The following UBE2J1 variants were observed in gnomAD, a reference collection of about 807,000 sequenced individuals.
The protein encoded by UBE2J1 is ubiquitin-conjugating enzyme E2 J1.
UBE2J1 carries 17 observed loss-of-function variants against 42.1 expected under a neutral mutation model. The observed-to-expected ratio is 0.40, with a 90% confidence interval of 0.28 to 0.61. The LOEUF is 0.61. Among genes scored for constraint, UBE2J1 ranks in the 20% least tolerant of loss-of-function variants. The probability of loss-of-function intolerance (pLI) is 0.38; values close to 1 mark genes in which losing one functional copy is unlikely to be tolerated. For synonymous variants in UBE2J1, 127 were observed against 137.2 expected (o/e 0.93, Z 0.52); for missense variants, 291 against 389.4 (o/e 0.75, Z 2.13).
rs1210612912 is a variant in UBE2J1, at chr6:89,328,884, C to T, written c.*795G>A. The T allele has an allele frequency of 6.6e-6, 1 of 152,194 alleles. No individual in the cohort carries two copies. The highest frequency in any genetic ancestry group is 2.4e-5 in the African/African-American group (1 of 41,436). 9.4% of individuals were successfully genotyped at this position (152,194 alleles called of 1,614,324 possible). A position where few individuals can be genotyped will look rare whatever the true frequency, so the allele number is the denominator to read the frequency against. Reference sequence around the variant, plus strand: ...TACATTTCAAAGCAGACCAAACATTCAAATCTTCAGATCCCCCCATTTAAC... The same window carrying T: ...TACATTTCAAAGCAGACCAAACATTTAAATCTTCAGATCCCCCCATTTAAC... On this transcript the variant is annotated 3_prime_UTR_variant, in exon 8 of 8. Transcript: ENST00000435041.
intron 6 of UBE2J1, 38 bp downstream of exon 6, chr6:89,335,264 G>C: frequency 6.5e-7 from 1 of 1,530,214 alleles, no homozygotes; most frequent in African/African-American, 1.4e-5. Context: ...TAAACAAAAG[G>C]GTTGCAAGAT....
chr6:89,351,130 G>GGA (rs1214336179), intron 1 of UBE2J1, among the ~76,000 whole-genome samples: 1 of 116,246 alleles, frequency 8.6e-6, no homozygotes, highest in Non-Finnish European at 1.6e-5. Flanking sequence ...CGCCCACACT[G>GGA]GAGTGCAGTG....
At chr6:89,335,271 A>G in intron 6 of UBE2J1, 31 bp downstream of exon 6, 1 of 1,538,358 alleles carries the variant, frequency 6.5e-7, no homozygotes, top group Non-Finnish European at 8.8e-7. Context: ...AAGGGTTGCA[A>G]GATTAGCATT....
chr6:89,344,033 T>C (rs963564706), intron 1 of UBE2J1, among the ~76,000 whole-genome samples: 3 of 152,208 alleles, frequency 2.0e-5, no homozygotes, highest in Non-Finnish European at 4.4e-5. Context: ...GTGGTATTTA[T>C]TGAAGTGCTT....
intron 1 of UBE2J1, among the ~76,000 whole-genome samples, chr6:89,348,219 G>A (rs1165684059): frequency 1.3e-5 from 2 of 152,172 alleles, no homozygotes; most frequent in African/African-American, 2.4e-5. Flanking sequence ...AGATGTGCCA[G>A]GAAAGGAAGG....
intron 1 of UBE2J1, among the ~76,000 whole-genome samples, chr6:89,352,183 G>C (rs969729245): frequency 2.0e-5 from 3 of 152,194 alleles, no homozygotes; most frequent in African/African-American, 7.2e-5. Flanking sequence ...CGACAGGGAG[G>C]GAATAGCGAC....
intron 5 of UBE2J1, among the ~76,000 whole-genome samples, chr6:89,336,242 T>C (rs1042554362): frequency 6.6e-6 from 1 of 152,138 alleles, no homozygotes; most frequent in Admixed American, 6.5e-5. Flanking sequence ...TGAAATATCA[T>C]ATAAACAAAA....
At chr6:89,346,716 G>T (rs980245608) in intron 1 of UBE2J1, among the ~76,000 whole-genome samples, 7 of 152,080 alleles carry the variant, frequency 4.6e-5, no homozygotes, top group Admixed American at 6.5e-5. Flanking sequence ...CTAGGGAGGG[G>T]TAGAGACTAG....
chr6:89,333,525 G>A (rs994617563), intron 6 of UBE2J1, among the ~76,000 whole-genome samples: 2 of 152,196 alleles, frequency 1.3e-5, no homozygotes, highest in African/African-American at 2.4e-5. Flanking sequence ...AGCCTGATAT[G>A]AGCTGATGTG....
chr6:89,346,431 G>A (rs1768367204), intron 1 of UBE2J1, among the ~76,000 whole-genome samples: 1 of 152,074 alleles, frequency 6.6e-6, no homozygotes, highest in Non-Finnish European at 1.5e-5. Context: ...TACATACTGA[G>A]ACACCCTCTC....
chr6:89,329,662 T>C lies in UBE2J1; in HGVS notation c.*17A>G, dbSNP rs754424832. On this transcript the variant is annotated 3_prime_UTR_variant, in exon 8 of 8. Coordinates refer to ENST00000435041, the MANE Select transcript of UBE2J1 (RefSeq NM_016021.3). Reference sequence around the variant, plus strand: ...AATGAAGCAGTTGAGTCACAGCTCATAAGTCACAAAACCATATTATAACTC... The same window carrying C: ...AATGAAGCAGTTGAGTCACAGCTCACAAGTCACAAAACCATATTATAACTC... The C allele has an allele frequency of 1.2e-6, 2 of 1,613,556 alleles. No homozygotes were observed. Among genetic ancestry groups the C allele is most frequent in the Non-Finnish European group, 1.7e-6 (2 of 1,179,720 alleles).
intron 7 of UBE2J1, 105 bp from the exon 8 acceptor site, chr6:89,330,062 A>C: frequency 9.3e-7 from 1 of 1,075,754 alleles, no homozygotes; most frequent in East Asian, 2.4e-5. Flanking sequence ...CATATGACTA[A>C]GGGCAACACT....
At chr6:89,349,533 C>G (rs1234409107) in intron 1 of UBE2J1, among the ~76,000 whole-genome samples, 3 of 152,114 alleles carry the variant, frequency 2.0e-5, no homozygotes, top group Non-Finnish European at 4.4e-5. Context: ...CCATAGGTGC[C>G]TGAGTGCTGT....
At chr6:89,336,126 CAT>C (rs1261104949) in intron 5 of UBE2J1, among the ~76,000 whole-genome samples, 1 of 152,080 alleles carries the variant, frequency 6.6e-6, no homozygotes, top group Non-Finnish European at 1.5e-5. Context: ...ATATATAAAA[CAT>C]ATATTGTTAC....
intron 5 of UBE2J1, among the ~76,000 whole-genome samples, chr6:89,337,193 A>C (rs969137856): frequency 6.6e-6 from 1 of 151,440 alleles, no homozygotes; most frequent in Non-Finnish European, 1.5e-5. Context: ...TAGAATATAC[A>C]GTGAGAAGCC....
chr6:89,347,928 G>C (rs907741118), intron 1 of UBE2J1, among the ~76,000 whole-genome samples: 16 of 152,118 alleles, frequency 1.1e-4, no homozygotes, highest in African/African-American at 3.9e-4. Context: ...AAAATGGACT[G>C]GTATATAAGG....
intron 1 of UBE2J1, 131 bp from the exon 2 acceptor site, chr6:89,343,887 A>C: frequency 1.6e-6 from 1 of 611,312 alleles, no homozygotes; most frequent in Non-Finnish European, 2.7e-6. Flanking sequence ...GTTTAATTAT[A>C]AGATTATGGG....
chr6:89,339,210 A>G (rs1477879313), intron 3 of UBE2J1, among the ~76,000 whole-genome samples: 1 of 151,240 alleles, frequency 6.6e-6, no homozygotes, highest in Non-Finnish European at 1.5e-5. Context: ...GGATCACTTG[A>G]GGCCAGGAGT....
Position 89,343,434 on chromosome 6 carries a change from CAAA to C in UBE2J1, c.105+246_105+248del, listed in dbSNP as rs58981898. On this transcript the variant is annotated intron_variant, in intron 2 of 7. Transcript: ENST00000435041. The stretch of plus-strand genomic sequence containing the variant: ...TGGGCAACACAGTGAGACTCCGCCT[CAAA>C]AAAAAAAAAAAAAAAAAAAAGATCT... Among the ~76,000 whole-genome samples the C allele has an allele frequency of 2.8e-3, 223 of 81,032 alleles. 2 individuals are homozygous for C. The highest frequency in any genetic ancestry group is 0.011 in the South Asian group (24 of 2,100). The allele number at this position is 81,032 out of a possible 152,430, so 53.2% of individuals were successfully genotyped here.
Sources: allele counts gnomAD v4.1 joint callset (sites outside exome capture counted in the v4.1 genomes callset), GRCh38; gene constraint gnomAD v4.1.1; transcripts MANE v1.5; gene names NCBI Gene and HGNC (gene_info 2026-07-23, HGNC 2026-07-21).